The following INPP4A variants were observed in gnomAD, a reference collection of about 807,000 sequenced individuals.
The protein encoded by INPP4A is inositol polyphosphate-4-phosphatase, type I, 107kD.
Under a neutral mutation model 119.8 loss-of-function variants are expected in INPP4A, and 33 were observed. The ratio of observed to expected loss-of-function variants is 0.28; its 90% CI spans 0.21 to 0.37. The LOEUF (loss-of-function observed/expected upper bound fraction) is 0.37. Among genes scored for constraint, INPP4A ranks in the 10% least tolerant of loss-of-function variants. The pLI is 1.00. For missense variants in INPP4A, 956 were observed against 1,289.9 expected (o/e 0.74, Z 3.97); for synonymous variants, 496 against 500.7 (o/e 0.99, Z 0.12).
intron 1 of INPP4A, among the ~76,000 whole-genome samples, chr2:98,452,674 A>G (rs954529488): frequency 2.6e-5 from 4 of 152,118 alleles, no homozygotes; most frequent in Non-Finnish European, 2.9e-5. Flanking sequence ...GTCCACCCAT[A>G]TAAGTTTCTC....
chr2:98,498,053 G>A (rs1682386325), intron 1 of INPP4A, among the ~76,000 whole-genome samples: 1 of 152,178 alleles, frequency 6.6e-6, no homozygotes, highest in South Asian at 2.1e-4. Context: ...AGTTAATGCT[G>A]AAATGAGTTA....
intron 1 of INPP4A, among the ~76,000 whole-genome samples, chr2:98,448,705 CTCTCTTTTTT>C (rs1694697841): frequency 7.3e-6 from 1 of 136,728 alleles, no homozygotes; most frequent in Admixed American, 7.5e-5. Flanking sequence ...CTCTCTCTCT[CTCTCTTTTTT>C]TTTTTTTTTT....
chr2:98,582,852 C>T (rs1256741446), intron 24 of INPP4A, among the ~76,000 whole-genome samples: 2 of 151,994 alleles, frequency 1.3e-5, no homozygotes, highest in Non-Finnish European at 2.9e-5. Flanking sequence ...GAAAGATCAC[C>T]TACTGCATAA....
rs1047042641 is a variant in INPP4A, at chr2:98,590,745, C to T, written c.*3137C>T. 1.3e-5 allele frequency: 3 copies of T among 223,498 alleles called. No homozygotes were observed. In the Admixed American group the frequency reaches 1.7e-4, roughly 13 times the overall value. 13.8% of individuals were successfully genotyped at this position (223,498 alleles called of 1,614,324 possible). A position where few individuals can be genotyped will look rare whatever the true frequency, so the allele number is the denominator to read the frequency against. On this transcript the variant is annotated 3_prime_UTR_variant, in exon 25 of 25. Transcript: ENST00000409851. Reference sequence around the variant, plus strand: ...CGTTATCTCCCTTGGAAAAATTCCTCTCACTGGAAATGTACAATTAAAGGA... The same window carrying T: ...CGTTATCTCCCTTGGAAAAATTCCTTTCACTGGAAATGTACAATTAAAGGA...
At chr2:98,507,869 C>G (rs1684360771) in intron 1 of INPP4A, among the ~76,000 whole-genome samples, 2 of 152,164 alleles carry the variant, frequency 1.3e-5, no homozygotes, top group Non-Finnish European at 2.9e-5. Flanking sequence ...CTAAGCTCAC[C>G]CCCCTGCACA....
chr2:98,564,611 C>G (rs1192677926), intron 18 of INPP4A, 29 bp from the exon 19 acceptor site: 1 of 1,611,996 alleles, frequency 6.2e-7, no homozygotes, highest in Non-Finnish European at 8.5e-7. Flanking sequence ...GCACCTGACC[C>G]TGAACCTCTT....
At chr2:98,580,235 T>G in intron 24 of INPP4A, among the ~76,000 whole-genome samples, 1 of 140,152 alleles carries the variant, frequency 7.1e-6, no homozygotes, top group African/African-American at 2.8e-5. Context: ...GACGGAAGAG[T>G]AGAGCATGCA....
At position 98,589,298 on chromosome 2, in the gene INPP4A, CACAG is replaced by C. The variant is rs1559136328; in HGVS notation, c.*1695_*1698del. 2 of 186,338 alleles carry C rather than the reference CACAG, an allele frequency of 1.1e-5. No individual in the cohort carries two copies. The highest frequency in any genetic ancestry group is 2.3e-5 in the Non-Finnish European group (2 of 88,222). 11.5% of individuals were successfully genotyped at this position (186,338 alleles called of 1,614,324 possible). On this transcript the variant is annotated 3_prime_UTR_variant, in exon 25 of 25. Coordinates refer to ENST00000409851, the MANE Select transcript of INPP4A (RefSeq NM_001134225.2). ...TCCTTTTTAAGTGTCAATTTCTGTT[CACAG>C]ACAGTTTGTTTTCAATATGGCTGAT...
intron 4 of INPP4A, among the ~76,000 whole-genome samples, chr2:98,527,820 A>T (rs1201509218): frequency 6.6e-6 from 1 of 152,238 alleles, no homozygotes; most frequent in Non-Finnish European, 1.5e-5. Context: ...GTGGCCACAC[A>T]TGACAAAGAG....
chr2:98,513,185 G>A lies in INPP4A; in HGVS notation c.-165-5779G>A, dbSNP rs919762371. Reference sequence around the variant, plus strand: ...TCGTAGGCCCAACTCCTCCTGCATCGCCTCCCAGAATCAGTCCTTCTGCTT... The same window carrying A: ...TCGTAGGCCCAACTCCTCCTGCATCACCTCCCAGAATCAGTCCTTCTGCTT... On this transcript the variant is annotated intron_variant, in intron 1 of 24. Transcript: ENST00000409851. 7.2e-5 allele frequency among the ~76,000 whole-genome samples: 11 copies of A among 152,126 alleles called. No individual in the cohort carries two copies. In the East Asian group the frequency reaches 7.7e-4, roughly 11 times the overall value.
In INPP4A at chr2:98,554,544, A is replaced by G. The variant is rs1694124468; in HGVS notation, c.1566+55A>G. On this transcript the variant is annotated intron_variant, in intron 15 of 24. Coordinates refer to ENST00000409851, the MANE Select transcript of INPP4A (RefSeq NM_001134225.2). The surrounding 1 kb of genome is among the most constrained non-coding windows in gnomAD (Gnocchi z 4.7). ...CTGCTGAACTTGGGCTGAAAACCAC[A>G]AAACCTGTTGCCAGTCTCTGCCCCT... 1.3e-6 allele frequency: 2 copies of G among 1,495,296 alleles called. No individual in the cohort carries two copies. The highest frequency in any genetic ancestry group is 1.8e-6 in the Non-Finnish European group (2 of 1,090,978). The allele number at this position is 1,495,296 out of a possible 1,614,324, so 92.6% of individuals were successfully genotyped here.
chr2:98,547,412 G>A (rs1282200278), intron 13 of INPP4A, among the ~76,000 whole-genome samples: 1 of 152,186 alleles, frequency 6.6e-6, no homozygotes, highest in African/African-American at 2.4e-5. Context: ...GGTGCATGGA[G>A]CAGGGCATCC....
chr2:98,546,981 G>A lies in INPP4A; in HGVS notation c.1163+287G>A, dbSNP rs895549044. On this transcript the variant is annotated intron_variant, in intron 13 of 24. Coordinates refer to ENST00000409851, the MANE Select transcript of INPP4A (RefSeq NM_001134225.2). The surrounding 1 kb of genome is among the most constrained non-coding windows in gnomAD (Gnocchi z 4.2). ...GCAACCGCCCTATGTAGACTCTGCT[G>A]GCTTGGCATCCTTTAGAGTCCCTGG... Among the ~76,000 whole-genome samples, 16 of 152,196 alleles carry A rather than the reference G, an allele frequency of 1.1e-4. No homozygotes were observed. Among genetic ancestry groups the A allele is most frequent in the Non-Finnish European group, 1.2e-4 (8 of 68,036 alleles).
chr2:98,589,429 A>G lies in INPP4A; in HGVS notation c.*1821A>G, dbSNP rs1007718265. The G allele has an allele frequency of 1.1e-5, 2 of 183,018 alleles. No individual in the cohort carries two copies. The highest frequency in any genetic ancestry group is 2.3e-5 in the Non-Finnish European group (2 of 86,076). The allele number at this position is 183,018 out of a possible 1,614,324, so 11.3% of individuals were successfully genotyped here. A position where few individuals can be genotyped will look rare whatever the true frequency, so the allele number is the denominator to read the frequency against. ...AAATCTCCTTGCTTTTTAAAAATAA[A>G]TATTACCCACATAGTTTTCAGATCT... On this transcript the variant is annotated 3_prime_UTR_variant, in exon 25 of 25. Coordinates refer to ENST00000409851, the MANE Select transcript of INPP4A (RefSeq NM_001134225.2).
chr2:98,490,652 C>T (rs556536716), intron 1 of INPP4A, among the ~76,000 whole-genome samples: 6 of 152,262 alleles, frequency 3.9e-5, no homozygotes, highest in Admixed American at 2.0e-4. Context: ...TACTTTCCTT[C>T]CTCTCTTCTT....
intron 22 of INPP4A, among the ~76,000 whole-genome samples, chr2:98,571,720 C>G (rs1025324930): frequency 6.6e-6 from 1 of 152,214 alleles, no homozygotes; most frequent in African/African-American, 2.4e-5. Flanking sequence ...CTGAATACCC[C>G]CAAACTTTGT....
At chr2:98,515,787 C>T (rs1686004373) in intron 1 of INPP4A, among the ~76,000 whole-genome samples, 1 of 152,176 alleles carries the variant, frequency 6.6e-6, no homozygotes, top group South Asian at 2.1e-4. Flanking sequence ...CTTGCCACCT[C>T]ACTAGTCCTG....
intron 1 of INPP4A, among the ~76,000 whole-genome samples, chr2:98,493,932 A>G (rs896234793): frequency 6.6e-6 from 1 of 152,222 alleles, no homozygotes; most frequent in Non-Finnish European, 1.5e-5. Flanking sequence ...TGAAACAATA[A>G]CTGATAAAAA....
intron 1 of INPP4A, among the ~76,000 whole-genome samples, chr2:98,460,209 G>A (rs1199883317): frequency 6.6e-6 from 1 of 152,014 alleles, no homozygotes; most frequent in Non-Finnish European, 1.5e-5. Flanking sequence ...TAGGTGCAAG[G>A]GTGCAGAGAA....
Sources: gnomAD v4.1 joint callset for allele counts (sites outside exome capture counted in the v4.1 genomes callset) on GRCh38, gnomAD v4.1.1 for gene constraint, Gnocchi (gnomAD v3.1) non-coding constraint, MANE v1.5 for transcripts, NCBI Gene and HGNC (gene_info 2026-07-23, HGNC 2026-07-21) for gene names.